Variants in FGD4 observed in about 807,000 individuals in gnomAD.
FGD4 encodes FYVE, RhoGEF and PH domain containing 4, also known as FYVE, RhoGEF and PH domain-containing protein 4.
FGD4 carries 42 observed loss-of-function variants against 102.0 expected under a neutral mutation model. That is an observed-to-expected ratio of 0.41 (90% confidence interval 0.32 to 0.53). FGD4 has a LOEUF of 0.53. FGD4 is among the 20% of genes least tolerant of loss of function. The pLI, the probability that FGD4 is intolerant of heterozygous loss-of-function variation, is 0.21. For missense variants in FGD4, 902 were observed against 1,078.2 expected, an observed-to-expected ratio of 0.84 and a Z score of 2.29; for synonymous variants, 380 against 375.7, an observed-to-expected ratio of 1.01 and a Z score of -0.13.
intron 1 of FGD4, among the ~76,000 whole-genome samples, chr12:32,531,510 C>A (rs1000952960): frequency 2.6e-5 from 4 of 152,140 alleles, no homozygotes; most frequent in African/African-American, 9.7e-5. Context: ...GTTTACTATT[C>A]CTGTAAGTTT....
intron 11 of FGD4, among the ~76,000 whole-genome samples, chr12:32,620,961 C>A (rs1247191129): frequency 6.6e-6 from 1 of 151,984 alleles, no homozygotes; most frequent in East Asian, 1.9e-4. Context: ...CCACACCCGG[C>A]CCATAACCAT....
rs886049262 is a variant in FGD4 at position 32,641,889 on chromosome 12, T to G, written c.*1356T>G. 6.6e-5 allele frequency: 10 copies of G among 152,150 alleles called. No homozygotes were observed. Among genetic ancestry groups the G allele is most frequent in the Non-Finnish European group, 1.5e-5 (1 of 67,998 alleles). 9.4% of individuals were successfully genotyped at this position (152,150 alleles called of 1,614,324 possible). A position where few individuals can be genotyped will look rare whatever the true frequency, so the allele number is the denominator to read the frequency against. On this transcript the variant is annotated 3_prime_UTR_variant, in exon 17 of 17. Coordinates refer to ENST00000534526, the MANE Select transcript of FGD4 (RefSeq NM_001370298.3). ...TAAAATCTCACACTAAGTTTACTAT[T>G]TAACTTAATCCTTTTTCTCAAATTA...
intron 4 of FGD4, among the ~76,000 whole-genome samples, chr12:32,597,985 C>G (rs536320738): frequency 6.6e-6 from 1 of 152,304 alleles, no homozygotes; most frequent in African/African-American, 2.4e-5. Flanking sequence ...CTCTGCCTCC[C>G]AAGTAGCTGG....
intron 1 of FGD4, among the ~76,000 whole-genome samples, chr12:32,461,457 C>A (rs1307083249): frequency 6.6e-6 from 1 of 152,100 alleles, no homozygotes; most frequent in Non-Finnish European, 1.5e-5. Flanking sequence ...TTAGTAGTAA[C>A]ATTTCCATTT....
chr12:32,584,022 C>T (rs1222519614), intron 4 of FGD4, among the ~76,000 whole-genome samples: 4 of 152,158 alleles, frequency 2.6e-5, no homozygotes, highest in Admixed American at 2.6e-4. Flanking sequence ...TTTTTCTTCC[C>T]TTCACATATT....
At chr12:32,433,596 C>G (rs1477617271) in intron 1 of FGD4, among the ~76,000 whole-genome samples, 3 of 151,990 alleles carry the variant, frequency 2.0e-5, no homozygotes, top group Admixed American at 2.0e-4. Context: ...CTCGGCCTCC[C>G]AAAGTGCTGG....
chr12:32,611,370 CT>C, intron 10 of FGD4, 87 bp downstream of exon 10: 2 of 1,501,026 alleles, frequency 1.3e-6, no homozygotes, highest in Non-Finnish European at 1.8e-6. Flanking sequence ...AATCCCAGCA[CT>C]TTGGGAGGCC....
intron 1 of FGD4, among the ~76,000 whole-genome samples, chr12:32,461,198 T>C (rs1046920395): frequency 3.9e-5 from 6 of 152,348 alleles, no homozygotes; most frequent in Non-Finnish European, 8.8e-5. Flanking sequence ...GAAAATATCA[T>C]ATTTTAAATT....
In FGD4 at chr12:32,643,459, ACTAT is replaced by A. The variant is rs549931906; in HGVS notation, c.*2928_*2931del. On this transcript the variant is annotated 3_prime_UTR_variant, in exon 17 of 17. Transcript: ENST00000534526. ...GGCATCATTCCTTGGATTTTAAATA[ACTAT>A]CAAGAACATTTTTACTTTAACAAAG... 25,541 of 152,150 alleles carry A rather than the reference ACTAT, an allele frequency of 0.17. 2,947 individuals carry two copies. The highest frequency in any genetic ancestry group is 0.24 in the Non-Finnish European group (16,543 of 67,830). 9.4% of individuals were successfully genotyped at this position (152,150 alleles called of 1,614,324 possible).
rs1370205654 is a variant in FGD4 at position 32,625,709 on chromosome 12, T to C, written c.2102T>C (p.Met701Thr). 6.2e-7 allele frequency: 1 copy of C among 1,613,928 alleles called. No individual in the cohort carries two copies. Among genetic ancestry groups the C allele is most frequent in the Non-Finnish European group, 8.5e-7 (1 of 1,179,924 alleles). ...PRWIRDNEVT[M>T]CMKCKEPFNA... ...TGGATCCGAGATAATGAAGTGACAA[T>C]GTGTATGAAATGTAAAGAACCTTTC... is the stretch of plus-strand genomic sequence containing the variant. Residue 701 changes from methionine (M) to threonine (T), a missense_variant, in exon 14 of 17, where the codon ATG (methionine) becomes ACG (threonine). Transcript: ENST00000534526.
intron 1 of FGD4, among the ~76,000 whole-genome samples, chr12:32,424,538 C>T (rs1941761882): frequency 6.6e-6 from 1 of 152,118 alleles, no homozygotes; most frequent in African/African-American, 2.4e-5. Flanking sequence ...CATATGTGTG[C>T]ATGTGTCTTT....
chr12:32,619,500 C>T (rs1290384619), intron 10 of FGD4, among the ~76,000 whole-genome samples, 198 bp from the exon 11 acceptor site: 8 of 151,856 alleles, frequency 5.3e-5, no homozygotes, highest in East Asian at 1.9e-4. Flanking sequence ...GACGTGGTGG[C>T]GGGTGCCTGT....
chr12:32,399,661 C>T lies in FGD4; in HGVS notation c.-133C>T, dbSNP rs1243030769. The T allele has an allele frequency of 4.2e-6, 6 of 1,427,952 alleles. No homozygotes were observed. The South Asian group carries it at 7.4e-5, about 18-fold the overall frequency. 88.5% of individuals were successfully genotyped at this position (1,427,952 alleles called of 1,614,324 possible). On this transcript the variant is annotated 5_prime_UTR_variant, in exon 1 of 17. Coordinates refer to ENST00000534526, the MANE Select transcript of FGD4 (RefSeq NM_001370298.3). ...GAAGGAGAGGGAGAGGAGGCACTCGCTGAGGAGACGCCGCAGTAGAGGGCG... is the reference window on the plus strand; with the variant it reads ...GAAGGAGAGGGAGAGGAGGCACTCGTTGAGGAGACGCCGCAGTAGAGGGCG...
chr12:32,453,453 C>G (rs868196039), intron 1 of FGD4, among the ~76,000 whole-genome samples: 1 of 151,350 alleles, frequency 6.6e-6, no homozygotes, highest in African/African-American at 2.4e-5. Context: ...AGACTGGTGT[C>G]GAACTCCTGG....
Position 32,642,301 on chromosome 12 carries a change from G to A in FGD4, c.*1768G>A, listed in dbSNP as rs1212245863. 1.3e-5 allele frequency: 2 copies of A among 152,090 alleles called. No individual in the cohort carries two copies. Among genetic ancestry groups the A allele is most frequent in the African/African-American group, 4.8e-5 (2 of 41,428 alleles). The allele number at this position is 152,090 out of a possible 1,614,324, so 9.4% of individuals were successfully genotyped here. On this transcript the variant is annotated 3_prime_UTR_variant, in exon 17 of 17. Transcript: ENST00000534526. ...CTTCTCTTTTTTAATGGCCAGCGGGGTATGTGTGTGATGTATACTCAGAGT... is the reference window on the plus strand; with the variant it reads ...CTTCTCTTTTTTAATGGCCAGCGGGATATGTGTGTGATGTATACTCAGAGT...
intron 15 of FGD4, among the ~76,000 whole-genome samples, chr12:32,636,147 G>T (rs796953667): frequency 6.6e-6 from 1 of 152,022 alleles, no homozygotes; most frequent in South Asian, 2.1e-4. Context: ...GTAAGTGGTC[G>T]CGTAAAAAAA....
At chr12:32,458,456 G>A (rs908837525) in intron 1 of FGD4, among the ~76,000 whole-genome samples, 3 of 152,090 alleles carry the variant, frequency 2.0e-5, no homozygotes, top group Admixed American at 1.3e-4. Context: ...TTACAGGCCT[G>A]AGCCAACGTG....
intron 1 of FGD4, among the ~76,000 whole-genome samples, chr12:32,550,670 C>CAA (rs71447606): frequency 0.025 from 2,233 of 88,858 alleles, 84 homozygotes; most frequent in African/African-American, 0.055. Flanking sequence ...GACACTGTCT[C>CAA]AAAAAAAAAA....
intron 1 of FGD4, among the ~76,000 whole-genome samples, chr12:32,557,878 G>T (rs1944247496): frequency 6.6e-6 from 1 of 152,116 alleles, no homozygotes; most frequent in Non-Finnish European, 1.5e-5. Flanking sequence ...TGGGACAAAT[G>T]GGGGAGTTTT....
Sources: gnomAD v4.1 joint callset for allele counts (sites outside exome capture counted in the v4.1 genomes callset) on GRCh38, gnomAD v4.1.1 for gene constraint, MANE v1.5 for transcripts, NCBI Gene and HGNC (gene_info 2026-07-23, HGNC 2026-07-21) for gene names.